SETX: variants seen among roughly 807,000 people sequenced by gnomAD.
SETX encodes senataxin, also known as helicase senataxin.
SETX carries 90 observed loss-of-function variants against 227.2 expected under a neutral mutation model. That is an observed-to-expected ratio of 0.40 (90% confidence interval 0.33 to 0.47). The LOEUF is 0.47. Among genes scored for constraint, SETX ranks in the 20% least tolerant of loss-of-function variants. The pLI is 0.91. For synonymous variants in SETX, 1,210 were observed against 1,113.2 expected, an observed-to-expected ratio of 1.09 and a Z score of -1.73; for missense variants, 3,052 against 3,181.5, an observed-to-expected ratio of 0.96 and a Z score of 0.98.
chr9:132,272,226 G>C (rs747750758), intron 23 of SETX, among the ~76,000 whole-genome samples: 4 of 152,166 alleles, frequency 2.6e-5, no homozygotes, highest in Non-Finnish European at 5.9e-5. Flanking sequence ...GAGTGCACCA[G>C]CATATTCATA....
At position 132,288,649 on chromosome 9, in the gene SETX, T is replaced by C. The variant is rs772736229; in HGVS notation, c.6109A>G (p.Asn2037Asp). 3 of 1,602,802 alleles carry C rather than the reference T, an allele frequency of 1.9e-6. No individual in the cohort carries two copies. Among genetic ancestry groups the C allele is most frequent in the South Asian group, 1.1e-5 (1 of 90,826 alleles). Residue 2037 changes from asparagine to aspartate, a missense_variant and splice_region_variant, in exon 16 of 26, where the codon AAC (asparagine) becomes GAC (aspartate). This residue lies in a region of SETX where 412 missense variants were observed against 589.0 expected (regional missense o/e 0.70). Transcript: ENST00000224140. ...CGTACTAAATTTATATCTCCACAGT[T>C]TCCTGTTGATAAGAATCACAGTTAA... Reference protein sequence around the residue: ...KCKDKKNPLGNCGDINLVRLG... With the variant: ...KCKDKKNPLGDCGDINLVRLG...
intron 10 of SETX, among the ~76,000 whole-genome samples, chr9:132,317,790 C>T (rs75895958): frequency 0.095 from 14,474 of 152,016 alleles, 783 homozygotes; most frequent in East Asian, 0.24. Flanking sequence ...CATCTTAAAC[C>T]TTTCTAGCTT....
chr9:132,306,128 T>G (rs1202296925), intron 11 of SETX, among the ~76,000 whole-genome samples: 1 of 152,200 alleles, frequency 6.6e-6, no homozygotes, highest in Non-Finnish European at 1.5e-5. Context: ...GAACCCTGCC[T>G]CCTAACACCA....
At chr9:132,350,236 G>A (rs1030039714) in intron 2 of SETX, among the ~76,000 whole-genome samples, 2 of 152,138 alleles carry the variant, frequency 1.3e-5, no homozygotes, top group African/African-American at 4.8e-5. Flanking sequence ...TGCAATCCTA[G>A]CTGCTTGGGA....
chr9:132,291,104 A>C (rs1308339256), intron 15 of SETX, among the ~76,000 whole-genome samples: 5 of 149,950 alleles, frequency 3.3e-5, no homozygotes, highest in Admixed American at 2.7e-4. Context: ...TTTTTATCCC[A>C]GTTCAGCTCA....
Position 132,295,859 on chromosome 9 carries a change from A to G in SETX, c.6106+13T>C, listed in dbSNP as rs370909687. 1.1e-5 allele frequency: 18 copies of G among 1,610,540 alleles called. No individual in the cohort carries two copies. The African/African-American group carries it at 2.1e-4, about 19-fold the overall frequency. ...AAACAAAAACAAATTTAAAATCCACAAAAGTATCATACCTAAAGGATTCTT... is the reference window on the plus strand; with the variant it reads ...AAACAAAAACAAATTTAAAATCCACGAAAGTATCATACCTAAAGGATTCTT... On this transcript the variant is annotated intron_variant, in intron 15 of 25. Coordinates refer to ENST00000224140, the MANE Select transcript of SETX (RefSeq NM_015046.7).
intron 19 of SETX, 43 bp downstream of exon 19, chr9:132,283,221 C>T: frequency 5.6e-6 from 9 of 1,613,234 alleles, no homozygotes; most frequent in Non-Finnish European, 7.6e-6. Context: ...AGACTTACTC[C>T]TCATAGTAGT....
chr9:132,270,619 T>C (rs1842859906), intron 24 of SETX, among the ~76,000 whole-genome samples: 2 of 152,258 alleles, frequency 1.3e-5, no homozygotes, highest in South Asian at 4.1e-4. Context: ...CATCTATCAA[T>C]TTCCTATTTT....
chr9:132,330,925 CT>C (rs1469823319), intron 9 of SETX, 126 bp downstream of exon 9: 1 of 766,658 alleles, frequency 1.3e-6, no homozygotes, highest in East Asian at 2.5e-5. Flanking sequence ...ATGAGAAGGG[CT>C]TTTACATAGC....
At chr9:132,355,848 G>A (rs1848882812), upstream of SETX, among the ~76,000 whole-genome samples, 1 of 152,024 alleles carries the variant, frequency 6.6e-6, no homozygotes, top group Non-Finnish European at 1.5e-5. Context: ...TTACCTGGGC[G>A]TGGTGGCGGG....
At chr9:132,333,141 G>A (rs1370696033) in intron 7 of SETX, among the ~76,000 whole-genome samples, 2 of 151,384 alleles carry the variant, frequency 1.3e-5, no homozygotes, top group African/African-American at 2.4e-5. Context: ...CACTTTGAGA[G>A]GCCAAGGCAG....
chr9:132,319,097 A>C (rs1485584078), intron 10 of SETX, among the ~76,000 whole-genome samples: 1 of 152,212 alleles, frequency 6.6e-6, no homozygotes, highest in Admixed American at 6.5e-5. Flanking sequence ...CCAGATGCTT[A>C]AGCCAAAAAC....
At chr9:132,288,420 A>C (rs1844059975) in intron 16 of SETX, 69 bp from the exon 17 acceptor site, 1 of 1,426,932 alleles carries the variant, frequency 7.0e-7, no homozygotes, top group Admixed American at 1.8e-5. Context: ...CATATACAAC[A>C]CAATGAGAAG....
In SETX at chr9:132,329,053, G is replaced by T. The variant is rs1847044899; in HGVS notation, c.2545C>A (p.Leu849Met). The change falls in exon 10 of 26, where the codon CTG (leucine) becomes ATG (methionine). Residue 849 changes from leucine (L) to methionine (M), a missense_variant. Coordinates refer to ENST00000224140, the MANE Select transcript of SETX (RefSeq NM_015046.7). ...TTTTGTTCTCCATTCTTATCATCCA[G>T]AACACCACTAGGGTCTAAAGAAAGA... Reference protein sequence around the residue: ...HNLSLDPSGVLDDKNGEQKSQ... With the variant: ...HNLSLDPSGVMDDKNGEQKSQ... The T allele has an allele frequency of 6.2e-7, 1 of 1,609,210 alleles. No homozygotes were observed. The highest frequency in any genetic ancestry group is 8.5e-7 in the Non-Finnish European group (1 of 1,178,728).
chr9:132,288,194 A>G (rs928286836), intron 17 of SETX, 42 bp downstream of exon 17: 1 of 1,510,774 alleles, frequency 6.6e-7, no homozygotes, highest in Non-Finnish European at 9.2e-7. Context: ...CTTGTTAACT[A>G]GTTCGTATAC....
At position 132,330,465 on chromosome 9, in the gene SETX, T is replaced by A; in HGVS notation, c.1133A>T (p.Tyr378Phe). 6.2e-7 allele frequency: 1 copy of A among 1,613,712 alleles called. No homozygotes were observed. Among genetic ancestry groups the A allele is most frequent in the Non-Finnish European group, 8.5e-7 (1 of 1,179,982 alleles). ...CATTTCTTCATACATGTTAGGACAA[T>A]AATCTGGGCAAATGGCTGTTCTCCA... ...SGWRTAICPDYCPNMYEEMET... is the reference protein window; with the variant it reads ...SGWRTAICPDFCPNMYEEMET... The change falls in exon 10 of 26, where the codon TAT (tyrosine) becomes TTT (phenylalanine). Residue 378 changes from tyrosine (Y) to phenylalanine (F), a missense_variant. This residue lies in a region of SETX where 39 missense variants were observed against 84.8 expected (regional missense o/e 0.46). Transcript: ENST00000224140.
At chr9:132,325,321 A>G (rs1030332800) in intron 10 of SETX, among the ~76,000 whole-genome samples, 2 of 152,064 alleles carry the variant, frequency 1.3e-5, no homozygotes, top group Non-Finnish European at 2.9e-5. Flanking sequence ...GCACCACTGC[A>G]CTCCAGCCTG....
At position 132,330,470 on chromosome 9, in the gene SETX, T is replaced by C; in HGVS notation, c.1128A>G (p.Pro376=). 1.2e-6 allele frequency: 2 copies of C among 1,613,554 alleles called. No homozygotes were observed. Among genetic ancestry groups the C allele is most frequent in the Non-Finnish European group, 1.7e-6 (2 of 1,179,982 alleles). Residue 376 remains proline (P), a synonymous_variant, in exon 10 of 26, where the codon CCA becomes CCG. Transcript: ENST00000224140. ...KDSGWRTAIC[P]DYCPNMYEEM... is the part of the protein sequence containing the mutation. ...CTTCATACATGTTAGGACAATAATC[T>C]GGGCAAATGGCTGTTCTCCATCCAG...
At position 132,330,453 on chromosome 9, in the gene SETX, A is replaced by G. The variant is rs1847148901; in HGVS notation, c.1145T>C (p.Met382Thr). The change falls in exon 10 of 26, where the codon ATG becomes ACG. Residue 382 changes from methionine to threonine, a missense_variant. Physicochemically the swap from Met to Thr is moderately conservative, Grantham distance 81. Transcript: ENST00000224140. ...GGCTAATGTTTCCATTTCTTCATAC[A>G]TGTTAGGACAATAATCTGGGCAAAT... ...TAICPDYCPN[M>T]YEEMETLASV... is the part of the protein sequence containing the mutation. 1.2e-5 allele frequency: 19 copies of G among 1,613,856 alleles called. No homozygotes were observed. The highest frequency in any genetic ancestry group is 1.6e-5 in the Non-Finnish European group (19 of 1,179,992).
Sources: allele counts gnomAD v4.1 joint callset (sites outside exome capture counted in the v4.1 genomes callset), GRCh38; gene constraint gnomAD v4.1.1; regional missense constraint gnomAD v4.1.1; transcripts MANE v1.5; gene names NCBI Gene and HGNC (gene_info 2026-07-23, HGNC 2026-07-21).